The following NAV1 variants were observed in gnomAD, a reference collection of about 807,000 sequenced individuals.
NAV1 encodes the protein neuron navigator 1, also known as pore membrane and/or filament interacting like protein 3.
Under a neutral mutation model 175.2 loss-of-function variants are expected in NAV1, and 18 were observed. The ratio of observed to expected loss-of-function variants is 0.10; its 90% CI spans 0.07 to 0.15. NAV1 has a LOEUF of 0.15. NAV1 is among the 10% of genes least tolerant of loss of function. The pLI is 1.00. For missense variants in NAV1, 1,731 were observed against 2,436.6 expected, an observed-to-expected ratio of 0.71 and a Z score of 6.10; for synonymous variants, 897 against 978.7, an observed-to-expected ratio of 0.92 and a Z score of 1.56.
At chr1:201,642,683 T>C (rs549110997) in intron 2 of NAV1, among the ~76,000 whole-genome samples, 1 of 100,868 alleles carries the variant, frequency 9.9e-6, no homozygotes, top group Non-Finnish European at 2.1e-5. Flanking sequence ...TCCCTCTCTT[T>C]CTTCCCTTTC....
intron 1 of NAV1, among the ~76,000 whole-genome samples, chr1:201,547,147 C>T (rs1281924310): frequency 3.3e-5 from 5 of 151,896 alleles, no homozygotes; most frequent in East Asian, 2.0e-4. Flanking sequence ...CCACCATGCC[C>T]GGCTAATTTT....
intron 1 of NAV1, among the ~76,000 whole-genome samples, chr1:201,585,010 C>T (rs918436066): frequency 3.3e-5 from 5 of 152,174 alleles, no homozygotes; most frequent in Admixed American, 6.5e-5. Flanking sequence ...AAGGTCCTCC[C>T]ACCCAGCCCC....
intron 2 of NAV1, among the ~76,000 whole-genome samples, chr1:201,717,405 C>G (rs1672182308): frequency 6.6e-6 from 1 of 152,230 alleles, no homozygotes; most frequent in Admixed American, 6.5e-5. Flanking sequence ...GCTGGCCCCA[C>G]TGCTAGGCTA....
chr1:201,585,040 A>G (rs1666984124), intron 1 of NAV1, among the ~76,000 whole-genome samples: 1 of 152,040 alleles, frequency 6.6e-6, no homozygotes, highest in Non-Finnish European at 1.5e-5. Context: ...CACAACTAAT[A>G]AGACAAATGC....
chr1:201,824,639 T>C (rs777437201), exon 30 of NAV1: 2 of 152,094 alleles, frequency 1.3e-5, no homozygotes, highest in Non-Finnish European at 2.9e-5. Flanking sequence ...TCAACCTGTG[T>C]ATACTAGATC....
At chr1:201,793,644 A>G in intron 13 of NAV1, 148 bp from the exon 18 acceptor site, 1 of 669,276 alleles carries the variant, frequency 1.5e-6, no homozygotes, top group Non-Finnish European at 2.6e-6. Flanking sequence ...TGCTCAGGAA[A>G]ATCAATATTT....
chr1:201,584,584 T>G (rs560536974), intron 1 of NAV1, among the ~76,000 whole-genome samples: 3 of 152,340 alleles, frequency 2.0e-5, no homozygotes, highest in Non-Finnish European at 4.4e-5. Context: ...ACAGCTGCTA[T>G]CTCAGCAGCT....
Position 201,782,324 on chromosome 1 carries a change from C to T in NAV1, c.1812C>T (p.Ser604=). 1.2e-6 allele frequency: 2 copies of T among 1,614,176 alleles called. No homozygotes were observed. ...TTGCTCGCCCCTCCACTTCGGGATC[C>T]TTTGGCTACAAGAAGCCTCCTCCTG... Residue 604 remains serine, a synonymous_variant, in exon 6 of 30, where the codon TCC becomes TCT. Transcript: ENST00000367296. The surrounding 1 kb of genome is among the most constrained non-coding windows in gnomAD (Gnocchi z 5.4).
chr1:201,619,212 A>G (rs1668086578), upstream of NAV1, among the ~76,000 whole-genome samples: 1 of 152,256 alleles, frequency 6.6e-6, no homozygotes, highest in Admixed American at 6.5e-5. Context: ...CTGCTCCATT[A>G]GCAAGCGAGG....
At chr1:201,615,944 A>G (rs1667990012) in intron 2 of NAV1, among the ~76,000 whole-genome samples, 1 of 152,074 alleles carries the variant, frequency 6.6e-6, no homozygotes, top group Admixed American at 6.5e-5. Context: ...GAAGCTCAGG[A>G]GAATGAGGCA....
At chr1:201,643,869 G>A (rs929838690), upstream of NAV1, among the ~76,000 whole-genome samples, 5 of 152,214 alleles carry the variant, frequency 3.3e-5, no homozygotes, top group Non-Finnish European at 7.3e-5. Context: ...TCTAATCACA[G>A]GGGTGTGAGA....
upstream of NAV1, among the ~76,000 whole-genome samples, chr1:201,620,513 C>CA (rs1668132698): frequency 7.7e-6 from 1 of 130,128 alleles, no homozygotes; most frequent in African/African-American, 3.2e-5. Flanking sequence ...GGCTGGAGTG[C>CA]AGTGGCGCAA....
intron 3 of NAV1, among the ~76,000 whole-genome samples, chr1:201,730,154 A>G (rs1317607751): frequency 6.6e-6 from 1 of 152,230 alleles, no homozygotes; most frequent in Admixed American, 6.5e-5. Context: ...TGCATAATTC[A>G]TACTGCAAGT....
At chr1:201,572,915 C>T (rs986293918) in intron 1 of NAV1, among the ~76,000 whole-genome samples, 1 of 152,182 alleles carries the variant, frequency 6.6e-6, no homozygotes, top group African/African-American at 2.4e-5. Flanking sequence ...GCCATCTCCT[C>T]CCATGCTGTC....
At chr1:201,758,225 G>A (rs560873678) in intron 3 of NAV1, among the ~76,000 whole-genome samples, 3 of 152,348 alleles carry the variant, frequency 2.0e-5, no homozygotes, top group South Asian at 4.1e-4. Context: ...CACATGTGAA[G>A]TCAGTTAAAT....
intron 3 of NAV1, among the ~76,000 whole-genome samples, chr1:201,722,131 C>T (rs1173478154): frequency 6.6e-6 from 1 of 152,060 alleles, no homozygotes; most frequent in African/African-American, 2.4e-5. Flanking sequence ...TTATGTTAAC[C>T]ATTTTAAAGT....
exon 7 of NAV1, chr1:201,783,664 C>T: frequency 6.2e-7 from 1 of 1,614,200 alleles, no homozygotes; most frequent in Non-Finnish European, 8.5e-7. Context: ...CAAAAGAGAC[C>T]CGCATGTACC....
Position 201,642,188 on chromosome 1 carries a change from CCCTCCTTTCTTCCTTT to C in NAV1, c.5-6444_5-6429del, listed in dbSNP as rs142927011. Among the ~76,000 whole-genome samples the C allele has an allele frequency of 6.4e-3, 884 of 139,022 alleles. 10 individuals are homozygous for C. The highest frequency in any genetic ancestry group is 0.024 in the African/African-American group (832 of 34,612). 91.2% of individuals were successfully genotyped at this position (139,022 alleles called of 152,430 possible). Reference sequence around the variant, plus strand: ...CCCTCCCTTCCTTCCTTCCTTCCTTCCCTCCTTTCTTCCTTTCTTCCTTCCCTCCTTTCTTCCTTTC... The same window carrying C: ...CCCTCCCTTCCTTCCTTCCTTCCTTCCTTCCTTCCCTCCTTTCTTCCTTTC... On this transcript the variant is annotated intron_variant, in intron 2 of 29. Transcript: ENST00000367302.
chr1:201,678,369 A>G (rs988872623), intron 1 of NAV1, among the ~76,000 whole-genome samples: 1 of 152,196 alleles, frequency 6.6e-6, no homozygotes, highest in Non-Finnish European at 1.5e-5. Flanking sequence ...GTGTGCAAGA[A>G]ACTGAACTAA....
Sources: gnomAD v4.1 joint callset for allele counts (sites outside exome capture counted in the v4.1 genomes callset) on GRCh38, gnomAD v4.1.1 for gene constraint, Gnocchi (gnomAD v3.1) non-coding constraint, MANE v1.5 for transcripts, NCBI Gene and HGNC (gene_info 2026-07-23, HGNC 2026-07-21) for gene names.